The following CSMD1 variants were observed in gnomAD, a reference collection of about 807,000 sequenced individuals.
CSMD1 encodes CUB and Sushi multiple domains 1.
Under a neutral mutation model 417.5 loss-of-function variants are expected in CSMD1, and 213 were observed. That is an observed-to-expected ratio of 0.51 (90% CI 0.46 to 0.57). CSMD1 has a LOEUF of 0.57. Among genes scored for constraint, CSMD1 ranks in the 20% least tolerant of loss-of-function variants. The pLI is 0.00. For synonymous variants in CSMD1, 2,862 were observed against 1,736.8 expected (o/e 1.65, Z -16.11); for missense variants, 6,923 against 4,529.7 (o/e 1.53, Z -15.17).
At chr8:4,441,759 C>T (rs541925870) in intron 2 of CSMD1, among the ~76,000 whole-genome samples, 2 of 152,044 alleles carry the variant, frequency 1.3e-5, no homozygotes, top group Non-Finnish European at 2.9e-5. Context: ...GCATTGCAGT[C>T]CATTTGACTG....
chr8:4,622,576 G>C (rs967172105), intron 2 of CSMD1, among the ~76,000 whole-genome samples: 2 of 152,144 alleles, frequency 1.3e-5, no homozygotes, highest in Admixed American at 6.6e-5. Flanking sequence ...GCTGGCAAAC[G>C]CGACATGTGT....
rs543139582 is a variant in CSMD1 at position 4,331,087 on chromosome 8, G to A, written c.415+88866C>T. ...ATTTTTGTTTCTTATTCTCCAATAT[G>A]CAACTACATATAATAGCAAAATGAA... On this transcript the variant is annotated intron_variant, in intron 3 of 69. Transcript: ENST00000635120. Among the ~76,000 whole-genome samples, 9 of 152,214 alleles carry A rather than the reference G, an allele frequency of 5.9e-5. No homozygotes were observed. The South Asian group carries it at 1.2e-3, about 21-fold the overall frequency.
intron 3 of CSMD1, among the ~76,000 whole-genome samples, chr8:4,255,336 G>A (rs1027268243): frequency 6.6e-6 from 1 of 152,146 alleles, no homozygotes; most frequent in African/African-American, 2.4e-5. Context: ...GTTAATATCT[G>A]CAGTCATTGT....
At chr8:4,971,391 T>C (rs970898390) in intron 1 of CSMD1, among the ~76,000 whole-genome samples, 1 of 152,054 alleles carries the variant, frequency 6.6e-6, no homozygotes, top group Non-Finnish European at 1.5e-5. Context: ...AAGAAATGTT[T>C]AGAAGAAACT....
chr8:4,761,890 C>CTATCTAT lies in CSMD1; in HGVS notation c.86-124333_86-124332insATAGATA, dbSNP rs1563319356. On this transcript the variant is annotated intron_variant, in intron 1 of 69. Transcript: ENST00000635120. ...ATCTATCTATCTATCTATCTATCTA[C>CTATCTAT]CTACCTATCTATCTATCTATCAATC... is the stretch of plus-strand genomic sequence containing the variant. Among the ~76,000 whole-genome samples, 118 of 93,636 alleles carry CTATCTAT rather than the reference C, an allele frequency of 1.3e-3. 1 individual carries two copies. The highest frequency in any genetic ancestry group is 4.3e-3 in the East Asian group (10 of 2,308). The allele number at this position is 93,636 out of a possible 152,430, so 61.4% of individuals were successfully genotyped here.
Position 3,574,766 on chromosome 8 carries a change from C to G in CSMD1, c.1344+179G>C, listed in dbSNP as rs1011146579. Among the ~76,000 whole-genome samples, 3 of 152,232 alleles carry G rather than the reference C, an allele frequency of 2.0e-5. No individual in the cohort carries two copies. In the South Asian group the frequency reaches 6.2e-4, roughly 32 times the overall value. On this transcript the variant is annotated intron_variant, in intron 10 of 69. Coordinates refer to ENST00000635120, the MANE Select transcript of CSMD1 (RefSeq NM_033225.6). ...CACAGTGAGAATACTCACTTTGCAT[C>G]TGAATCTCAGACTGCTCTGCAATGA...
chr8:4,936,448 G>T (rs1807625677), intron 1 of CSMD1, among the ~76,000 whole-genome samples: 2 of 152,142 alleles, frequency 1.3e-5, no homozygotes, highest in African/African-American at 4.8e-5. Flanking sequence ...AAGGATTTTT[G>T]TCCAGAACAT....
intron 3 of CSMD1, among the ~76,000 whole-genome samples, chr8:4,345,829 A>G (rs1800747362): frequency 6.6e-6 from 1 of 152,130 alleles, no homozygotes; most frequent in South Asian, 2.1e-4. Flanking sequence ...GGTCATCCCG[A>G]GCAGCGACCT....
chr8:4,082,837 T>G (rs1324024814), intron 3 of CSMD1, among the ~76,000 whole-genome samples: 2 of 146,322 alleles, frequency 1.4e-5, no homozygotes, highest in African/African-American at 5.1e-5. Flanking sequence ...ATTATTCAAT[T>G]TCCACCTATG....
chr8:4,519,936 C>CGTGT (rs67711521), intron 2 of CSMD1, among the ~76,000 whole-genome samples: 40,203 of 146,858 alleles, frequency 0.27, 6,005 homozygotes, highest in East Asian at 0.43. Context: ...TGTGTGTGTG[C>CGTGT]GTGTGTGTGT....
At chr8:4,537,062 A>T (rs1797137414) in intron 2 of CSMD1, among the ~76,000 whole-genome samples, 1 of 152,350 alleles carries the variant, frequency 6.6e-6, no homozygotes, top group East Asian at 1.9e-4. Context: ...CTGCTTAGAC[A>T]ATCAAAGACA....
At position 3,558,007 on chromosome 8, in the gene CSMD1, C is replaced by G. The variant is rs934860532; in HGVS notation, c.1344+16938G>C. ...GTGCCTCAGTGGTACCCTGTGTCCACTCCTCCAATGATGAATGGTGCCTCA... is the reference window on the plus strand; with the variant it reads ...GTGCCTCAGTGGTACCCTGTGTCCAGTCCTCCAATGATGAATGGTGCCTCA... On this transcript the variant is annotated intron_variant, in intron 10 of 69. Coordinates refer to ENST00000635120, the MANE Select transcript of CSMD1 (RefSeq NM_033225.6). Among the ~76,000 whole-genome samples, 11 of 152,034 alleles carry G rather than the reference C, an allele frequency of 7.2e-5. No homozygotes were observed. The South Asian group carries it at 2.1e-3, about 29-fold the overall frequency.
chr8:4,917,296 A>G (rs1585323284), intron 1 of CSMD1, among the ~76,000 whole-genome samples: 1 of 152,232 alleles, frequency 6.6e-6, no homozygotes, highest in South Asian at 2.1e-4. Context: ...CGATCCAATC[A>G]CCTCCAATCA....
chr8:4,672,985 C>T (rs1309020417), intron 1 of CSMD1, among the ~76,000 whole-genome samples: 1 of 151,720 alleles, frequency 6.6e-6, no homozygotes, highest in Non-Finnish European at 1.5e-5. Flanking sequence ...TCCATAGTGG[C>T]ATACACATAT....
chr8:2,983,022 T>TATC (rs2128940935), intron 54 of CSMD1, among the ~76,000 whole-genome samples: 1 of 152,326 alleles, frequency 6.6e-6, no homozygotes, highest in African/African-American at 2.4e-5. Context: ...GCAGGATTCG[T>TATC]ATCTATTCGA....
At chr8:3,810,224 A>C (rs1413288040) in intron 5 of CSMD1, among the ~76,000 whole-genome samples, 1 of 152,174 alleles carries the variant, frequency 6.6e-6, no homozygotes, top group African/African-American at 2.4e-5. Flanking sequence ...TTGACAGTAT[A>C]GAGAAGTTTT....
rs142383355 is a variant in CSMD1, at chr8:3,635,473, G to A, written c.1010-18676C>T. Reference sequence around the variant, plus strand: ...CACTCCAGCCTGGGCAATGGAGCAAGACTCCATCTCTTTTTTTTTTTTTTT... The same window carrying A: ...CACTCCAGCCTGGGCAATGGAGCAAAACTCCATCTCTTTTTTTTTTTTTTT... On this transcript the variant is annotated intron_variant, in intron 7 of 69. Transcript: ENST00000635120. 1.8e-4 allele frequency among the ~76,000 whole-genome samples: 27 copies of A among 147,274 alleles called. No individual in the cohort carries two copies. The South Asian group carries it at 5.9e-3, about 32-fold the overall frequency.
intron 17 of CSMD1, among the ~76,000 whole-genome samples, chr8:3,394,630 TG>T (rs953221179): frequency 0.013 from 5 of 374 alleles, no homozygotes; most frequent in African/African-American, 0.032. Flanking sequence ...TAGAAAAAGT[TG>T]GGGGGAGGGG....
intron 7 of CSMD1, among the ~76,000 whole-genome samples, chr8:3,626,776 G>C (rs375006813): frequency 1.3e-5 from 2 of 150,030 alleles, no homozygotes; most frequent in South Asian, 4.2e-4. Flanking sequence ...CAGAATAAGA[G>C]AATAGTGTCA....
Sources: allele counts gnomAD v4.1 joint callset (sites outside exome capture counted in the v4.1 genomes callset), GRCh38; gene constraint gnomAD v4.1.1; transcripts MANE v1.5; gene names NCBI Gene and HGNC (gene_info 2026-07-23, HGNC 2026-07-21).